Variants in DTD1 observed in about 807,000 individuals in gnomAD.
DTD1 encodes the protein D-tyrosyl-tRNA deacylase 1 homolog.
DTD1 carries 13 observed loss-of-function variants against 25.6 expected under a neutral mutation model. The observed-to-expected ratio is 0.51, with a 90% confidence interval of 0.33 to 0.81. The LOEUF is 0.81. Among genes scored for constraint, DTD1 ranks in the 30% least tolerant of loss-of-function variants. The pLI, the probability that DTD1 is intolerant of heterozygous loss-of-function variation, is 0.02. For synonymous variants in DTD1, 110 were observed against 103.6 expected, an observed-to-expected ratio of 1.06 and a Z score of -0.37; for missense variants, 193 against 266.4, an observed-to-expected ratio of 0.72 and a Z score of 1.92.
At chr20:18,666,569 C>T (rs2060932141) in intron 4 of DTD1, among the ~76,000 whole-genome samples, 1 of 152,036 alleles carries the variant, frequency 6.6e-6, no homozygotes, top group Non-Finnish European at 1.5e-5. Context: ...AATTAGACGT[C>T]CTGTATTTTG....
chr20:18,591,373 T>C (rs987007110), intron 1 of DTD1, among the ~76,000 whole-genome samples: 1 of 152,222 alleles, frequency 6.6e-6, no homozygotes, highest in African/African-American at 2.4e-5. Context: ...TGTTATTTAC[T>C]GAGGTGAAAA....
At chr20:18,756,484 A>G (rs1324431844) in intron 5 of DTD1, among the ~76,000 whole-genome samples, 2 of 152,260 alleles carry the variant, frequency 1.3e-5, no homozygotes, top group Admixed American at 1.3e-4. Flanking sequence ...AGCTTTCTAC[A>G]TATGGCTAGC....
intron 5 of DTD1, among the ~76,000 whole-genome samples, chr20:18,747,923 G>T (rs2061306741): frequency 6.6e-6 from 1 of 152,122 alleles, no homozygotes; most frequent in African/African-American, 2.4e-5. Flanking sequence ...GAAGGCTGAG[G>T]CAGGAGAATC....
intron 5 of DTD1, among the ~76,000 whole-genome samples, chr20:18,745,877 T>G (rs2061297982): frequency 6.6e-6 from 1 of 151,966 alleles, no homozygotes; most frequent in South Asian, 2.1e-4. Context: ...GATACAAAGT[T>G]TAAAAAGAGC....
chr20:18,621,119 C>T (rs768402033), intron 3 of DTD1, among the ~76,000 whole-genome samples: 13 of 152,160 alleles, frequency 8.5e-5, no homozygotes, highest in Non-Finnish European at 1.3e-4. Flanking sequence ...AATTCCAAAC[C>T]GCATTTAGTT....
chr20:18,762,356 A>G (rs1191824457), intron 5 of DTD1, among the ~76,000 whole-genome samples: 3 of 152,244 alleles, frequency 2.0e-5, no homozygotes, highest in Non-Finnish European at 4.4e-5. Context: ...CATGCATCAT[A>G]GATCTCGGCA....
chr20:18,715,432 C>T (rs1314482807), intron 4 of DTD1, among the ~76,000 whole-genome samples: 4 of 152,112 alleles, frequency 2.6e-5, no homozygotes, highest in Admixed American at 2.6e-4. Flanking sequence ...CCCTGTCCTG[C>T]AGTGGTTGCT....
intron 4 of DTD1, among the ~76,000 whole-genome samples, chr20:18,707,883 A>G (rs2061132792): frequency 6.6e-6 from 1 of 151,918 alleles, no homozygotes; most frequent in African/African-American, 2.4e-5. Context: ...ACTGGCTTAC[A>G]GGCCTCCCAG....
At chr20:18,693,072 T>C (rs2061053931) in intron 4 of DTD1, among the ~76,000 whole-genome samples, 1 of 151,918 alleles carries the variant, frequency 6.6e-6, no homozygotes, top group Non-Finnish European at 1.5e-5. Flanking sequence ...TTTGTCTTTT[T>C]AGTAGAGATG....
intron 5 of DTD1, among the ~76,000 whole-genome samples, chr20:18,745,261 C>T (rs970786421): frequency 1.5e-4 from 23 of 152,296 alleles, no homozygotes; most frequent in African/African-American, 5.3e-4. Flanking sequence ...CACTGTAGCA[C>T]GGAGTCCACC....
chr20:18,731,140 G>T (rs890450849), intron 4 of DTD1, among the ~76,000 whole-genome samples: 1 of 152,146 alleles, frequency 6.6e-6, no homozygotes, highest in African/African-American at 2.4e-5. Context: ...TGAGCCTTTC[G>T]TTAGCTGATG....
At chr20:18,715,661 G>T (rs2061177381) in intron 4 of DTD1, among the ~76,000 whole-genome samples, 1 of 152,236 alleles carries the variant, frequency 6.6e-6, no homozygotes, top group Admixed American at 6.5e-5. Context: ...GGGATTTTCT[G>T]TGGATGTAAT....
chr20:18,649,804 GCT>G (rs1299470892), intron 4 of DTD1, among the ~76,000 whole-genome samples: 1 of 152,152 alleles, frequency 6.6e-6, no homozygotes, highest in East Asian at 1.9e-4. Context: ...AATCCCAAGT[GCT>G]ATGCTCAGTA....
At chr20:18,651,956 T>C (rs1370286543) in intron 4 of DTD1, among the ~76,000 whole-genome samples, 1 of 152,204 alleles carries the variant, frequency 6.6e-6, no homozygotes, top group Non-Finnish European at 1.5e-5. Flanking sequence ...AGGGTATGTG[T>C]CCAGAGGATG....
At chr20:18,623,172 C>A (rs907259459) in intron 3 of DTD1, among the ~76,000 whole-genome samples, 2 of 151,958 alleles carry the variant, frequency 1.3e-5, no homozygotes, top group Non-Finnish European at 2.9e-5. Context: ...ATCTCCCGAC[C>A]TCGTGATCCG....
chr20:18,734,204 G>T (rs771569782), intron 4 of DTD1, among the ~76,000 whole-genome samples: 16 of 152,194 alleles, frequency 1.1e-4, no homozygotes, highest in Non-Finnish European at 2.4e-4. Context: ...TTTGCTCACT[G>T]CAGGTTGCCT....
intron 4 of DTD1, among the ~76,000 whole-genome samples, chr20:18,633,733 A>G (rs2060797083): frequency 6.6e-6 from 1 of 152,178 alleles, no homozygotes; most frequent in African/African-American, 2.4e-5. Context: ...TCAAATTTCT[A>G]CTTCAAATAA....
At chr20:18,658,944 A>G (rs767832231) in intron 4 of DTD1, among the ~76,000 whole-genome samples, 32 of 152,316 alleles carry the variant, frequency 2.1e-4, no homozygotes, top group Non-Finnish European at 4.3e-4. Context: ...TGGACAGGTC[A>G]CTTACCTCTC....
intron 4 of DTD1, among the ~76,000 whole-genome samples, chr20:18,662,961 A>G (rs181408449): frequency 2.0e-5 from 3 of 152,264 alleles, no homozygotes; most frequent in African/African-American, 7.2e-5. Flanking sequence ...GGAATGGGGA[A>G]TGAGGGTCCA....
Sources: gnomAD v4.1 joint callset for allele counts (sites outside exome capture counted in the v4.1 genomes callset) on GRCh38, gnomAD v4.1.1 for gene constraint, MANE v1.5 for transcripts, NCBI Gene and HGNC (gene_info 2026-07-23, HGNC 2026-07-21) for gene names.